The following MACROD2 variants were observed in gnomAD, a reference collection of about 807,000 sequenced individuals.
MACROD2 encodes mono-ADP ribosylhydrolase 2, also known as ADP-ribose glycohydrolase MACROD2.
A neutral mutation model predicts 70.4 loss-of-function variants in MACROD2; 36 were observed. That is an observed-to-expected ratio of 0.51 (90% CI 0.39 to 0.68). The LOEUF is 0.68. Ranked by LOEUF, MACROD2 falls within the 30% of genes least tolerant of loss-of-function variation. The pLI is 0.00. For missense variants in MACROD2, 496 were observed against 538.4 expected, an observed-to-expected ratio of 0.92 and a Z score of 0.78; for synonymous variants, 172 against 178.8, an observed-to-expected ratio of 0.96 and a Z score of 0.30.
chr20:14,575,439 T>A (rs1238153749), intron 4 of MACROD2, among the ~76,000 whole-genome samples: 1 of 152,114 alleles, frequency 6.6e-6, no homozygotes, highest in East Asian at 1.9e-4. Flanking sequence ...GATATGAGGA[T>A]GAAAAAGTTA....
chr20:15,779,355 A>C (rs2051790690), intron 8 of MACROD2, among the ~76,000 whole-genome samples: 1 of 152,162 alleles, frequency 6.6e-6, no homozygotes, highest in Non-Finnish European at 1.5e-5. Flanking sequence ...TAATGGTTCC[A>C]GTGGTTCATC....
intron 6 of MACROD2, among the ~76,000 whole-genome samples, chr20:15,356,233 A>G (rs1177896466): frequency 6.6e-6 from 1 of 152,180 alleles, no homozygotes; most frequent in Non-Finnish European, 1.5e-5. Context: ...TCTCATTTGT[A>G]AAAATGTGAG....
At chr20:15,549,223 T>C (rs2048064337) in intron 8 of MACROD2, among the ~76,000 whole-genome samples, 2 of 152,244 alleles carry the variant, frequency 1.3e-5, no homozygotes, top group Admixed American at 1.3e-4. Context: ...TTTTGTTTTA[T>C]AGAAATGGGC....
chr20:15,837,188 C>T (rs1339014356), intron 8 of MACROD2, among the ~76,000 whole-genome samples: 1 of 152,062 alleles, frequency 6.6e-6, no homozygotes, highest in East Asian at 1.9e-4. Flanking sequence ...AACCTTTAAA[C>T]AAAGTTAAAC....
chr20:14,746,807 C>T (rs2071805756), intron 5 of MACROD2, among the ~76,000 whole-genome samples: 1 of 151,920 alleles, frequency 6.6e-6, no homozygotes, highest in African/African-American at 2.4e-5. Context: ...GTATTTTTTT[C>T]GTAAGAGTCA....
At chr20:15,817,532 C>A (rs1405529044) in intron 8 of MACROD2, among the ~76,000 whole-genome samples, 1 of 152,138 alleles carries the variant, frequency 6.6e-6, no homozygotes, top group Admixed American at 6.5e-5. Context: ...AAACTATGCC[C>A]AAAATGAAAT....
chr20:15,876,091 T>TTATA (rs752542911), intron 9 of MACROD2, among the ~76,000 whole-genome samples: 12 of 33,106 alleles, frequency 3.6e-4, no homozygotes, highest in Admixed American at 8.5e-4. Context: ...TACATGTCTT[T>TTATA]TATATATATA....
chr20:14,019,913 G>A (rs530812327), intron 2 of MACROD2, among the ~76,000 whole-genome samples: 4 of 152,260 alleles, frequency 2.6e-5, no homozygotes, highest in South Asian at 2.1e-4. Flanking sequence ...TCATGCCTCT[G>A]TCATCCTTCT....
At chr20:14,423,755 ATTTT>A (rs1165796772) in intron 3 of MACROD2, among the ~76,000 whole-genome samples, 15 of 63,084 alleles carry the variant, frequency 2.4e-4, no homozygotes, top group Non-Finnish European at 3.9e-4. Flanking sequence ...GACATCTTAA[ATTTT>A]TTTTTTTTTT....
At chr20:15,287,143 AC>A (rs1397621861) in intron 6 of MACROD2, among the ~76,000 whole-genome samples, 2 of 152,204 alleles carry the variant, frequency 1.3e-5, no homozygotes, top group Non-Finnish European at 1.5e-5. Flanking sequence ...AAGGAAGGAA[AC>A]ATAATTCACT....
intron 7 of MACROD2, among the ~76,000 whole-genome samples, chr20:15,498,538 G>A (rs1000384287): frequency 6.6e-6 from 1 of 152,194 alleles, no homozygotes; most frequent in Non-Finnish European, 1.5e-5. Context: ...CCGCTAGAAA[G>A]AAGCCAGGAA....
chr20:15,983,093 G>T (rs2066425820), intron 13 of MACROD2, among the ~76,000 whole-genome samples: 1 of 152,178 alleles, frequency 6.6e-6, no homozygotes, highest in African/African-American at 2.4e-5. Flanking sequence ...CTCATGAAAA[G>T]CTCGTTGCTG....
At chr20:15,116,017 G>T (rs565974536) in intron 5 of MACROD2, among the ~76,000 whole-genome samples, 1 of 152,282 alleles carries the variant, frequency 6.6e-6, no homozygotes, top group East Asian at 1.9e-4. Flanking sequence ...GAATTGAAAA[G>T]TAGAGAGAAG....
At chr20:15,908,158 C>T (rs2065176920) in intron 10 of MACROD2, among the ~76,000 whole-genome samples, 1 of 152,114 alleles carries the variant, frequency 6.6e-6, no homozygotes, top group African/African-American at 2.4e-5. Context: ...CTGCCAAGAA[C>T]AAATGTTTGC....
chr20:15,364,655 T>G (rs879908974), intron 6 of MACROD2, among the ~76,000 whole-genome samples: 26 of 152,236 alleles, frequency 1.7e-4, no homozygotes, highest in Non-Finnish European at 2.8e-4. Context: ...CTCTCAAATC[T>G]ACCTTTTGAT....
At chr20:14,497,396 A>C (rs1568640036) in intron 4 of MACROD2, among the ~76,000 whole-genome samples, 1 of 151,854 alleles carries the variant, frequency 6.6e-6, no homozygotes, top group African/African-American at 2.4e-5. Context: ...ATATAGTAAA[A>C]TATAAATCAT....
At chr20:15,445,882 A>G (rs2046559066) in intron 7 of MACROD2, among the ~76,000 whole-genome samples, 1 of 152,156 alleles carries the variant, frequency 6.6e-6, no homozygotes, top group South Asian at 2.1e-4. Context: ...AGGGTGAAAT[A>G]GCAAGGGGAG....
chr20:15,429,199 GACT>G (rs2046335739), intron 6 of MACROD2, among the ~76,000 whole-genome samples: 1 of 152,166 alleles, frequency 6.6e-6, no homozygotes. Flanking sequence ...CCTGTAAAGA[GACT>G]ACATCACTTT....
intron 5 of MACROD2, among the ~76,000 whole-genome samples, chr20:14,818,697 A>G (rs140832089): frequency 3.0e-4 from 45 of 152,116 alleles, no homozygotes; most frequent in African/African-American, 9.9e-4. Context: ...TACAAAAACT[A>G]TAATATTTAG....
Sources: allele counts gnomAD v4.1 joint callset (sites outside exome capture counted in the v4.1 genomes callset), GRCh38; gene constraint gnomAD v4.1.1; transcripts MANE v1.5; gene names NCBI Gene and HGNC (gene_info 2026-07-23, HGNC 2026-07-21).